IL1RAPL1: variants seen among roughly 807,000 people sequenced by gnomAD.
IL1RAPL1 encodes interleukin 1 receptor accessory protein like 1.
IL1RAPL1 carries 3 observed loss-of-function variants against 48.4 expected under a neutral mutation model. The ratio of observed to expected loss-of-function variants is 0.06; its 90% CI spans 0.03 to 0.16. The LOEUF is 0.16. Among genes scored for constraint, IL1RAPL1 ranks in the 10% least tolerant of loss-of-function variants. The probability of loss-of-function intolerance (pLI) is 1.00; values close to 1 mark genes in which losing one functional copy is unlikely to be tolerated. For missense variants in IL1RAPL1, 349 were observed against 530.6 expected (o/e 0.66, Z 3.36); for synonymous variants, 185 against 187.7 (o/e 0.99, Z 0.12).
chrX:29,155,596 T>C (rs1217219559), intron 2 of IL1RAPL1, among the ~76,000 whole-genome samples: 1 of 112,019 alleles, frequency 8.9e-6, no homozygotes, highest in African/African-American at 3.2e-5. Context: ...TTATGCTGAT[T>C]TTTGAATTGT....
chrX:29,537,648 G>A (rs1271481813), intron 5 of IL1RAPL1, among the ~76,000 whole-genome samples: 1 of 109,025 alleles, frequency 9.2e-6, no homozygotes, highest in Non-Finnish European at 1.9e-5. Context: ...AAACAACCTG[G>A]TGAAGAGCTG....
At chrX:28,617,841 T>A (rs1934239811) in intron 1 of IL1RAPL1, among the ~76,000 whole-genome samples, 1 of 112,221 alleles carries the variant, frequency 8.9e-6, no homozygotes, top group Non-Finnish European at 1.9e-5. Flanking sequence ...AGTCTTGAAA[T>A]TTTTCAAAGC....
intron 6 of IL1RAPL1, among the ~76,000 whole-genome samples, chrX:29,835,452 G>A: frequency 8.9e-6 from 1 of 112,132 alleles, no homozygotes; most frequent in Non-Finnish European, 1.9e-5. Context: ...GTTTCTTGAA[G>A]ATAATTGCGT....
intron 6 of IL1RAPL1, among the ~76,000 whole-genome samples, chrX:29,802,972 T>TGTATGC (rs1930022639): frequency 1.2e-5 from 1 of 86,803 alleles, no homozygotes; most frequent in Non-Finnish European, 2.2e-5. Context: ...TGTGTACATA[T>TGTATGC]ATACATACAT....
At chrX:29,163,257 G>T (rs1929724281) in intron 2 of IL1RAPL1, among the ~76,000 whole-genome samples, 1 of 111,022 alleles carries the variant, frequency 9.0e-6, no homozygotes, top group African/African-American at 3.3e-5. Flanking sequence ...CAGCATGATG[G>T]TTCTTTAGAG....
chrX:29,319,364 A>ATTTTTTTGTTTTTTTTTTT (rs1932786185), intron 3 of IL1RAPL1, among the ~76,000 whole-genome samples: 1 of 58,137 alleles, frequency 1.7e-5, no homozygotes, highest in Non-Finnish European at 3.1e-5. Flanking sequence ...GATAAATTTA[A>ATTTTTTTGTTTTTTTTTTT]TTTTTTTTTT....
chrX:29,203,262 T>C (rs1930592745), intron 2 of IL1RAPL1, among the ~76,000 whole-genome samples: 1 of 111,395 alleles, frequency 9.0e-6, no homozygotes, highest in Non-Finnish European at 1.9e-5. Flanking sequence ...CCCCTATCTT[T>C]ATTTGTTTTT....
chrX:29,392,994 C>T (rs1172615099), intron 3 of IL1RAPL1, among the ~76,000 whole-genome samples: 3 of 112,030 alleles, frequency 2.7e-5, no homozygotes, highest in African/African-American at 6.5e-5. Context: ...TAAGATCTAA[C>T]GCTTACTGAG....
intron 5 of IL1RAPL1, among the ~76,000 whole-genome samples, chrX:29,649,577 G>T (rs1295706072): frequency 2.7e-5 from 3 of 111,058 alleles, no homozygotes; most frequent in Non-Finnish European, 5.7e-5. Context: ...AACAAATTAG[G>T]TATAGAAATT....
At chrX:29,293,970 A>G (rs1475898363) in intron 3 of IL1RAPL1, among the ~76,000 whole-genome samples, 1 of 110,958 alleles carries the variant, frequency 9.0e-6, no homozygotes, top group African/African-American at 3.3e-5. Context: ...GAGATCAGTG[A>G]AAAAGAATAG....
rs143765321 is a variant in IL1RAPL1 at position 29,904,241 on chromosome X, T to G, written c.779-13223T>G. ...CTCTGAATCACATACTAGAATTGCCTTATCAGAAATTGCTTATTACAGCAA... is the reference window on the plus strand; with the variant it reads ...CTCTGAATCACATACTAGAATTGCCGTATCAGAAATTGCTTATTACAGCAA... On this transcript the variant is annotated intron_variant, in intron 6 of 10. Transcript: ENST00000378993. 2.2e-4 allele frequency among the ~76,000 whole-genome samples: 25 copies of G among 111,638 alleles called. 1 individual carries two copies. In the East Asian group the frequency reaches 6.2e-3, roughly 28 times the overall value.
At chrX:28,623,464 G>T (rs1306895088) in intron 1 of IL1RAPL1, among the ~76,000 whole-genome samples, 1 of 111,579 alleles carries the variant, frequency 9.0e-6, no homozygotes, top group Non-Finnish European at 1.9e-5. Context: ...GTTACTTAGG[G>T]TGTCTCTTGC....
intron 2 of IL1RAPL1, among the ~76,000 whole-genome samples, chrX:29,095,332 T>C (rs1225906670): frequency 9.0e-6 from 1 of 111,462 alleles, no homozygotes; most frequent in East Asian, 2.8e-4. Flanking sequence ...AGTCTGCAAC[T>C]TCAGGGGCTC....
intron 2 of IL1RAPL1, among the ~76,000 whole-genome samples, chrX:29,173,557 G>T (rs1459782998): frequency 1.8e-5 from 2 of 111,329 alleles, no homozygotes; most frequent in African/African-American, 6.5e-5. Context: ...TGCTAATGGT[G>T]ATTACAGGGC....
chrX:29,321,817 A>G (rs980984977), intron 3 of IL1RAPL1, among the ~76,000 whole-genome samples: 5 of 111,738 alleles, frequency 4.5e-5, no homozygotes, highest in Non-Finnish European at 7.5e-5. Context: ...TATGGACAAG[A>G]CAAGATCCTT....
intron 6 of IL1RAPL1, among the ~76,000 whole-genome samples, chrX:29,802,121 A>G (rs1474104937): frequency 8.9e-6 from 1 of 111,805 alleles, no homozygotes; most frequent in African/African-American, 3.2e-5. Context: ...CATTGGCCAA[A>G]GTTTGATCCC....
chrX:29,433,975 C>A, intron 5 of IL1RAPL1, among the ~76,000 whole-genome samples: 1 of 109,885 alleles, frequency 9.1e-6, no homozygotes, highest in Middle Eastern at 4.8e-3. Context: ...TTTTTGCTTT[C>A]TTCTGAACTG....
chrX:29,108,863 AT>A (rs1460215144), intron 2 of IL1RAPL1, among the ~76,000 whole-genome samples: 1 of 111,742 alleles, frequency 8.9e-6, no homozygotes, highest in African/African-American at 3.3e-5. Flanking sequence ...ACAAGCAAAC[AT>A]TATGCAATGT....
intron 5 of IL1RAPL1, among the ~76,000 whole-genome samples, chrX:29,633,983 C>G (rs923435020): frequency 2.7e-5 from 3 of 111,547 alleles, no homozygotes; most frequent in Non-Finnish European, 3.8e-5. Flanking sequence ...CTAATTAATC[C>G]ACTACAGTGT....
Sources: gnomAD v4.1 joint callset for allele counts (sites outside exome capture counted in the v4.1 genomes callset) on GRCh38, gnomAD v4.1.1 for gene constraint, MANE v1.5 for transcripts, NCBI Gene and HGNC (gene_info 2026-07-23, HGNC 2026-07-21) for gene names.